The following UNC79 variants were observed in gnomAD, a reference collection of about 807,000 sequenced individuals.
The protein encoded by UNC79 is protein unc-79 homolog.
Under a neutral mutation model 283.1 loss-of-function variants are expected in UNC79, and 37 were observed. That is an observed-to-expected ratio of 0.13 (90% CI 0.10 to 0.17). The LOEUF is 0.17. UNC79 is among the 10% of genes least tolerant of loss of function. UNC79 has a pLI of 1.00. For synonymous variants in UNC79, 1,107 were observed against 1,200.2 expected, an observed-to-expected ratio of 0.92 and a Z score of 1.61; for missense variants, 2,272 against 3,211.1, an observed-to-expected ratio of 0.71 and a Z score of 7.07.
chr14:93,620,425 C>G (rs1394807521), intron 29 of UNC79, among the ~76,000 whole-genome samples: 1 of 152,110 alleles, frequency 6.6e-6, no homozygotes, highest in Non-Finnish European at 1.5e-5. Context: ...TGCCAGTTAC[C>G]AAATCCCATA....
chr14:93,587,910 C>T (rs773292520), intron 22 of UNC79, among the ~76,000 whole-genome samples: 4 of 151,982 alleles, frequency 2.6e-5, no homozygotes, highest in Non-Finnish European at 2.9e-5. Flanking sequence ...GGAGACAATA[C>T]CACTTGAATG....
In UNC79 at chr14:93,585,265, G is replaced by T. The variant is rs914462938; in HGVS notation, c.2804-1331G>T. ...TCTGCTCTGCAGGCCTTAAGACCAGGGTTCCCTCAGAGCCTCTCTCCTGCT... is the reference window on the plus strand; with the variant it reads ...TCTGCTCTGCAGGCCTTAAGACCAGTGTTCCCTCAGAGCCTCTCTCCTGCT... On this transcript the variant is annotated intron_variant, in intron 20 of 48. Coordinates refer to ENST00000555664, the Ensembl canonical transcript of UNC79. 1.3e-4 allele frequency among the ~76,000 whole-genome samples: 20 copies of T among 152,086 alleles called. 1 individual carries two copies. The East Asian group carries it at 2.7e-3, about 21-fold the overall frequency.
At chr14:93,677,808 C>T (rs1049152102) in intron 41 of UNC79, among the ~76,000 whole-genome samples, 19 of 152,146 alleles carry the variant, frequency 1.2e-4, no homozygotes, top group African/African-American at 4.3e-4. Flanking sequence ...CACCACCACA[C>T]CCAGCTAATT....
intron 1 of UNC79, among the ~76,000 whole-genome samples, chr14:93,431,838 G>A (rs2055893864): frequency 6.6e-6 from 1 of 152,206 alleles, no homozygotes; most frequent in African/African-American, 2.4e-5. Flanking sequence ...GGTTCCCATA[G>A]TCTGTCTTAT....
chr14:93,381,994 A>C (rs1195261905), intron 1 of UNC79, among the ~76,000 whole-genome samples: 1 of 152,196 alleles, frequency 6.6e-6, no homozygotes, highest in Non-Finnish European at 1.5e-5. Flanking sequence ...AAGACCAACC[A>C]TGCTGCCTTT....
chr14:93,447,498 T>C (rs2056497712), intron 1 of UNC79, among the ~76,000 whole-genome samples: 1 of 152,082 alleles, frequency 6.6e-6, no homozygotes, highest in Admixed American at 6.6e-5. Flanking sequence ...TAAAATTACA[T>C]GGTTAATAAA....
At chr14:93,596,566 T>C (rs932787012) in intron 23 of UNC79, among the ~76,000 whole-genome samples, 6 of 152,184 alleles carry the variant, frequency 3.9e-5, no homozygotes, top group African/African-American at 1.4e-4. Flanking sequence ...ACCCGGGAGA[T>C]GGAGGTTGCA....
chr14:93,633,759 CTAA>C (rs1431750179), intron 31 of UNC79, among the ~76,000 whole-genome samples: 1 of 152,102 alleles, frequency 6.6e-6, no homozygotes, highest in Non-Finnish European at 1.5e-5. Flanking sequence ...TTTGGAAATG[CTAA>C]TAACTTGACA....
chr14:93,501,753 T>G (rs894041831), intron 7 of UNC79, among the ~76,000 whole-genome samples: 2 of 152,112 alleles, frequency 1.3e-5, no homozygotes, highest in African/African-American at 4.8e-5. Flanking sequence ...CAGAAATGAC[T>G]ATTGTTAACA....
chr14:93,598,891 A>G (rs936630274), intron 24 of UNC79, among the ~76,000 whole-genome samples: 2 of 152,236 alleles, frequency 1.3e-5, no homozygotes, highest in African/African-American at 4.8e-5. Flanking sequence ...AAACTTCACA[A>G]ATTAAAGCCA....
At chr14:93,347,552 C>G (rs1382418699) in intron 1 of UNC79, among the ~76,000 whole-genome samples, 1 of 151,836 alleles carries the variant, frequency 6.6e-6, no homozygotes, top group Non-Finnish European at 1.5e-5. Flanking sequence ...GCTTGGTCGC[C>G]TTTGGGGGAG....
intron 14 of UNC79, among the ~76,000 whole-genome samples, chr14:93,550,270 C>A (rs980670078): frequency 1.1e-4 from 17 of 152,010 alleles, no homozygotes; most frequent in Non-Finnish European, 2.1e-4. Flanking sequence ...TCATCCTAGA[C>A]AATATGATAG....
At chr14:93,550,387 T>C (rs2061812181) in intron 14 of UNC79, among the ~76,000 whole-genome samples, 1 of 151,846 alleles carries the variant, frequency 6.6e-6, no homozygotes, top group African/African-American at 2.4e-5. Flanking sequence ...TGGTGGCATG[T>C]GCCTGTAATC....
rs184874627 is a variant in UNC79 at position 93,409,642 on chromosome 14, A to G, written c.-350-58029A>G. Among the ~76,000 whole-genome samples, 10 of 152,324 alleles carry G rather than the reference A, an allele frequency of 6.6e-5. No homozygotes were observed. In the East Asian group the frequency reaches 1.9e-3, roughly 29 times the overall value. On this transcript the variant is annotated intron_variant, in intron 1 of 49. Transcript: ENST00000256339. The stretch of plus-strand genomic sequence containing the variant: ...GTTTGAGGCTGCACTGAAGTATGAT[A>G]GCACCACTGCACTACAGCCTGGGTG...
intron 41 of UNC79, among the ~76,000 whole-genome samples, chr14:93,679,636 A>T (rs1486089662): frequency 6.6e-6 from 1 of 152,176 alleles, no homozygotes; most frequent in African/African-American, 2.4e-5. Flanking sequence ...TTTTTAATTC[A>T]CAGAGTTATC....
chr14:93,573,782 A>G (rs1401441143), intron 16 of UNC79, among the ~76,000 whole-genome samples: 1 of 152,244 alleles, frequency 6.6e-6, no homozygotes, highest in Non-Finnish European at 1.5e-5. Context: ...AAAGGTGGGC[A>G]GATCACTTGC....
At chr14:93,540,187 C>T (rs1400804533) in intron 12 of UNC79, among the ~76,000 whole-genome samples, 4 of 152,130 alleles carry the variant, frequency 2.6e-5, no homozygotes, top group Non-Finnish European at 5.9e-5. Flanking sequence ...GTTTAGCAAA[C>T]GGAAAAAAGA....
chr14:93,552,932 C>T (rs2061970367), intron 14 of UNC79, among the ~76,000 whole-genome samples: 1 of 152,166 alleles, frequency 6.6e-6, no homozygotes, highest in African/African-American at 2.4e-5. Flanking sequence ...ACTGCATAGA[C>T]AGGATATGAG....
At chr14:93,334,606 G>C (rs1448812374) in intron 1 of UNC79, 1 of 152,208 alleles carries the variant, frequency 6.6e-6, no homozygotes, top group African/African-American at 2.4e-5. Flanking sequence ...GCCATTTACT[G>C]TTATTTTCCA....
Sources: gnomAD v4.1 joint callset for allele counts (sites outside exome capture counted in the v4.1 genomes callset) on GRCh38, gnomAD v4.1.1 for gene constraint, MANE v1.5 for transcripts, NCBI Gene and HGNC (gene_info 2026-07-23, HGNC 2026-07-21) for gene names.